Variants in LTBP1 observed in about 807,000 individuals in gnomAD.
LTBP1 encodes the protein latent-transforming growth factor beta-binding protein 1.
In LTBP1, 129 loss-of-function variants were observed where a neutral mutation model predicts 207.6. That is an observed-to-expected ratio of 0.62 (90% CI 0.54 to 0.72). The LOEUF is 0.72. LTBP1 is among the 30% of genes least tolerant of loss of function. The pLI is 0.00. For missense variants in LTBP1, 2,281 were observed against 2,217.2 expected, an observed-to-expected ratio of 1.03 and a Z score of -0.58; for synonymous variants, 963 against 833.7, an observed-to-expected ratio of 1.16 and a Z score of -2.67.
intron 5 of LTBP1, among the ~76,000 whole-genome samples, chr2:33,147,915 C>T (rs1313028015): frequency 2.0e-5 from 3 of 152,196 alleles, no homozygotes; most frequent in East Asian, 1.9e-4. Flanking sequence ...TTTTTTGCTC[C>T]AGTGGAACAG....
chr2:33,391,697 A>G (rs1474520934), intron 32 of LTBP1, among the ~76,000 whole-genome samples: 1 of 152,184 alleles, frequency 6.6e-6, no homozygotes, highest in East Asian at 1.9e-4. Flanking sequence ...GAGAGTCTAA[A>G]AGTCAGAAGC....
chr2:33,176,201 C>T (rs1055227606), intron 5 of LTBP1, among the ~76,000 whole-genome samples: 1 of 147,660 alleles, frequency 6.8e-6, no homozygotes, highest in Non-Finnish European at 1.5e-5. Context: ...GAAATAAAAT[C>T]CAATTTTGAC....
chr2:33,275,930 C>A lies in LTBP1; in HGVS notation c.2992+7C>A. The A allele has an allele frequency of 6.3e-7, 1 of 1,576,034 alleles. No homozygotes were observed. The highest frequency in any genetic ancestry group is 1.2e-5 in the South Asian group (1 of 83,108). ...CAGAGAGGCCGTTGTGAGGGTGAGT[C>A]AGCTGAGAGTGTTCAGCACACATGA... On this transcript the variant is annotated splice_region_variant and intron_variant, in intron 18 of 33. Transcript: ENST00000404816.
At chr2:33,341,307 G>GACCT (rs577086381) in intron 24 of LTBP1, among the ~76,000 whole-genome samples, 75 of 152,294 alleles carry the variant, frequency 4.9e-4, no homozygotes, top group African/African-American at 1.8e-3. Context: ...GGATGAGCAG[G>GACCT]TGGGACCTTG....
intron 3 of LTBP1, among the ~76,000 whole-genome samples, chr2:33,084,556 T>C (rs1232068136): frequency 6.6e-6 from 1 of 152,106 alleles, no homozygotes; most frequent in Non-Finnish European, 1.5e-5. Context: ...AAAATCAAAC[T>C]GTTGAGAGGG....
intron 20 of LTBP1, among the ~76,000 whole-genome samples, chr2:33,297,710 C>T (rs2093907209): frequency 6.6e-6 from 1 of 152,086 alleles, no homozygotes; most frequent in African/African-American, 2.4e-5. Context: ...AAGCATCAGC[C>T]ATTACACCCG....
At chr2:33,125,692 G>A (rs1252276280) in intron 4 of LTBP1, among the ~76,000 whole-genome samples, 3 of 151,906 alleles carry the variant, frequency 2.0e-5, no homozygotes, top group Non-Finnish European at 2.9e-5. Context: ...TTAGCTGGGC[G>A]TGGTGCAGGT....
chr2:33,029,214 C>G (rs879824617), intron 3 of LTBP1, among the ~76,000 whole-genome samples: 2 of 152,298 alleles, frequency 1.3e-5, no homozygotes, highest in East Asian at 3.9e-4. Flanking sequence ...TGATGGCTCA[C>G]ACCTGTCATC....
intron 5 of LTBP1, among the ~76,000 whole-genome samples, chr2:33,164,649 G>A (rs1275080449): frequency 6.6e-6 from 1 of 152,084 alleles, no homozygotes; most frequent in Non-Finnish European, 1.5e-5. Context: ...AAGCTCTACT[G>A]GGAAAAATAC....
intron 3 of LTBP1, among the ~76,000 whole-genome samples, chr2:33,049,906 A>T (rs992779516): frequency 6.6e-6 from 1 of 151,050 alleles, no homozygotes; most frequent in Non-Finnish European, 1.5e-5. Flanking sequence ...CAGTGGTGTG[A>T]TCACAGCTCA....
intron 3 of LTBP1, among the ~76,000 whole-genome samples, chr2:33,085,618 A>C (rs1030763937): frequency 2.0e-5 from 3 of 152,186 alleles, no homozygotes; most frequent in Non-Finnish European, 2.9e-5. Flanking sequence ...CAATAACCCT[A>C]TGACACATTT....
chr2:33,110,813 T>G, intron 4 of LTBP1, 62 bp downstream of exon 4: 1 of 1,534,522 alleles, frequency 6.5e-7, no homozygotes, highest in East Asian at 2.3e-5. Context: ...AAACACTTTG[T>G]TCAGTGTAGA....
chr2:33,239,931 T>A (rs1372878374), intron 9 of LTBP1, among the ~76,000 whole-genome samples: 1 of 151,342 alleles, frequency 6.6e-6, no homozygotes, highest in East Asian at 1.9e-4. Context: ...AATAAATAAA[T>A]AAATAAAAAT....
At chr2:33,213,183 G>A (rs1020578508) in intron 7 of LTBP1, among the ~76,000 whole-genome samples, 1 of 152,132 alleles carries the variant, frequency 6.6e-6, no homozygotes, top group Admixed American at 6.5e-5. Flanking sequence ...AAGGTTGTGT[G>A]AGCTTTTTGA....
intron 2 of LTBP1, among the ~76,000 whole-genome samples, chr2:32,990,191 A>G (rs531646544): frequency 1.4e-4 from 21 of 152,266 alleles, no homozygotes; most frequent in African/African-American, 5.1e-4. Flanking sequence ...ATTGTACTCT[A>G]TCGATATTCC....
At chr2:32,986,037 T>C (rs1282452315) in intron 2 of LTBP1, among the ~76,000 whole-genome samples, 2 of 152,212 alleles carry the variant, frequency 1.3e-5, no homozygotes, top group Non-Finnish European at 2.9e-5. Flanking sequence ...ATGTTCCTTT[T>C]ATCTCTCCTG....
intron 24 of LTBP1, among the ~76,000 whole-genome samples, chr2:33,341,257 G>A (rs980053111): frequency 6.6e-6 from 1 of 152,012 alleles, no homozygotes; most frequent in Non-Finnish European, 1.5e-5. Context: ...AGGCAGTGAG[G>A]GTAGGATCCA....
At chr2:33,340,844 T>A (rs2094610216) in intron 24 of LTBP1, among the ~76,000 whole-genome samples, 1 of 152,208 alleles carries the variant, frequency 6.6e-6, no homozygotes, top group African/African-American at 2.4e-5. Flanking sequence ...ATTATTCATA[T>A]TGATACTATT....
intron 19 of LTBP1, chr2:33,291,602 T>A (rs1558957731): frequency 1.3e-5 from 2 of 152,232 alleles, no homozygotes; most frequent in East Asian, 3.8e-4. Context: ...CTGGAAGTGC[T>A]ATTTTTGTTA....
Sources: gnomAD v4.1 joint callset for allele counts (sites outside exome capture counted in the v4.1 genomes callset) on GRCh38, gnomAD v4.1.1 for gene constraint, MANE v1.5 for transcripts, NCBI Gene and HGNC (gene_info 2026-07-23, HGNC 2026-07-21) for gene names.